PTPRG: variants seen among roughly 807,000 people sequenced by gnomAD.
PTPRG encodes receptor-type tyrosine-protein phosphatase gamma.
A neutral mutation model predicts 165.3 loss-of-function variants in PTPRG; 102 were observed. That is an observed-to-expected ratio of 0.62 (90% CI 0.53 to 0.73). The LOEUF is 0.73. Among genes scored for constraint, PTPRG ranks in the 30% least tolerant of loss-of-function variants. The pLI, the probability that PTPRG is intolerant of heterozygous loss-of-function variation, is 0.00. For missense variants in PTPRG, 1,866 were observed against 1,861.4 expected, an observed-to-expected ratio of 1.00 and a Z score of -0.05; for synonymous variants, 675 against 669.5, an observed-to-expected ratio of 1.01 and a Z score of -0.13.
At chr3:61,794,093 G>T (rs976256721) in intron 2 of PTPRG, among the ~76,000 whole-genome samples, 23 of 152,050 alleles carry the variant, frequency 1.5e-4, no homozygotes, top group African/African-American at 5.1e-4. Flanking sequence ...TTGCCCAACT[G>T]CCTTGACTTG....
intron 2 of PTPRG, among the ~76,000 whole-genome samples, chr3:61,871,836 A>T (rs762283893): frequency 2.6e-5 from 4 of 152,196 alleles, no homozygotes; most frequent in African/African-American, 9.6e-5. Flanking sequence ...GAAGGAGATC[A>T]GTTGCTCCCT....
Position 62,045,733 on chromosome 3 carries a change from T to C in PTPRG, c.520-32430T>C, listed in dbSNP as rs539337837. Among the ~76,000 whole-genome samples the C allele has an allele frequency of 9.2e-5, 14 of 152,354 alleles. No homozygotes were observed. The East Asian group carries it at 2.3e-3, about 25-fold the overall frequency. The stretch of plus-strand genomic sequence containing the variant: ...GGTCTTCTCTTAACAGGTCATGACC[T>C]GAACACAAGGTTCTGAGCATCCCCT... On this transcript the variant is annotated intron_variant, in intron 4 of 29. Transcript: ENST00000474889.
chr3:61,635,363 AATT>A (rs1218776760), intron 1 of PTPRG, among the ~76,000 whole-genome samples: 1 of 148,710 alleles, frequency 6.7e-6, no homozygotes, highest in Admixed American at 6.7e-5. Context: ...TATAAATAAT[AATT>A]ATTATTAGAG....
chr3:61,743,507 C>CTGTGTG (rs58642937), intron 1 of PTPRG, among the ~76,000 whole-genome samples: 3 of 150,928 alleles, frequency 2.0e-5, no homozygotes, highest in African/African-American at 7.3e-5. Flanking sequence ...CCATGGGTGT[C>CTGTGTG]TGTGTGTGTG....
At chr3:62,256,098 C>CTCTG (rs1212552888) in intron 16 of PTPRG, among the ~76,000 whole-genome samples, 1 of 152,150 alleles carries the variant, frequency 6.6e-6, no homozygotes, top group Non-Finnish European at 1.5e-5. Flanking sequence ...TGGTTCCTTT[C>CTCTG]TCTGTCTCAT....
At chr3:61,684,929 G>T (rs1703572097) in intron 1 of PTPRG, among the ~76,000 whole-genome samples, 1 of 152,094 alleles carries the variant, frequency 6.6e-6, no homozygotes, top group African/African-American at 2.4e-5. Context: ...TCCCTTCCCT[G>T]CCATTGACTG....
chr3:62,263,320 G>T (rs72878154), intron 17 of PTPRG: 10,235 of 169,578 alleles, frequency 0.06, 364 homozygotes, highest in Non-Finnish European at 0.076. Flanking sequence ...TACATAATTG[G>T]CTTGTACCTT....
chr3:61,754,475 G>C (rs947990943), intron 2 of PTPRG, among the ~76,000 whole-genome samples: 4 of 152,282 alleles, frequency 2.6e-5, no homozygotes, highest in African/African-American at 7.2e-5. Context: ...CCCCGGCTAA[G>C]TGTAGAATCC....
At chr3:62,250,077 A>T (rs1311286062) in intron 15 of PTPRG, among the ~76,000 whole-genome samples, 1 of 152,230 alleles carries the variant, frequency 6.6e-6, no homozygotes, top group Admixed American at 6.5e-5. Flanking sequence ...AGGCACTCTT[A>T]TAAGTACTTG....
In PTPRG at chr3:61,955,128, T is replaced by A. The variant is rs147825924; in HGVS notation, c.191-34497T>A. Among the ~76,000 whole-genome samples the A allele has an allele frequency of 1.6e-4, 25 of 152,284 alleles. No individual in the cohort carries two copies. The East Asian group carries it at 4.4e-3, about 27-fold the overall frequency. On this transcript the variant is annotated intron_variant, in intron 2 of 29. Coordinates refer to ENST00000474889, the MANE Select transcript of PTPRG (RefSeq NM_002841.4). ...AGGCTGAAAACATGATGGATAAGAA[T>A]TACTGACTGCTTTGGATCTGTATAC...
At chr3:62,029,852 A>G (rs1311274377) in intron 4 of PTPRG, among the ~76,000 whole-genome samples, 1 of 152,244 alleles carries the variant, frequency 6.6e-6, no homozygotes, top group African/African-American at 2.4e-5. Flanking sequence ...TGCAAGAGTA[A>G]TATTCCTAAA....
At chr3:61,949,567 A>G (rs2039846904) in intron 2 of PTPRG, among the ~76,000 whole-genome samples, 1 of 152,118 alleles carries the variant, frequency 6.6e-6, no homozygotes, top group African/African-American at 2.4e-5. Context: ...GGAAAACAGT[A>G]TTGTCCTAAT....
intron 8 of PTPRG, among the ~76,000 whole-genome samples, chr3:62,184,185 C>T (rs1705776163): frequency 6.6e-6 from 1 of 152,172 alleles, no homozygotes; most frequent in African/African-American, 2.4e-5. Flanking sequence ...GAGAGGAATG[C>T]ACAGAGCCGG....
intron 2 of PTPRG, among the ~76,000 whole-genome samples, chr3:61,803,890 T>C (rs1033465897): frequency 7.9e-5 from 12 of 152,204 alleles, no homozygotes; most frequent in African/African-American, 2.7e-4. Flanking sequence ...GACATAGTTG[T>C]CAGGTATGAA....
intron 1 of PTPRG, among the ~76,000 whole-genome samples, chr3:61,708,287 A>G (rs1316126707): frequency 1.3e-5 from 2 of 151,898 alleles, no homozygotes; most frequent in Non-Finnish European, 2.9e-5. Flanking sequence ...TGAAGAGGGC[A>G]TGATGTTTTA....
chr3:61,995,967 T>C (rs1395048165), intron 3 of PTPRG, among the ~76,000 whole-genome samples: 3 of 152,120 alleles, frequency 2.0e-5, no homozygotes, highest in Non-Finnish European at 4.4e-5. Context: ...CTGTGTCTTC[T>C]TGCATTTGCC....
At chr3:62,279,788 A>T (rs1228265017) in intron 26 of PTPRG, among the ~76,000 whole-genome samples, 1 of 152,108 alleles carries the variant, frequency 6.6e-6, no homozygotes, top group Non-Finnish European at 1.5e-5. Flanking sequence ...CTCATTTCTA[A>T]TGCAACAATG....
chr3:61,884,151 T>G (rs1418734882), intron 2 of PTPRG, among the ~76,000 whole-genome samples: 1 of 152,204 alleles, frequency 6.6e-6, no homozygotes, highest in Non-Finnish European at 1.5e-5. Context: ...AGTTTTACAT[T>G]TTTTCTCCTG....
rs145950462 is a variant in PTPRG, at chr3:61,764,066, T to C, written c.190+15084T>C. Among the ~76,000 whole-genome samples the C allele has an allele frequency of 2.0e-5, 3 of 152,230 alleles. No individual in the cohort carries two copies. In the East Asian group the frequency reaches 5.8e-4, roughly 30 times the overall value. On this transcript the variant is annotated intron_variant, in intron 2 of 29. Transcript: ENST00000474889. ...CAGTGGTGTTCAGAGGATATAGGCA[T>C]TATAGAGGAACCAGCAGGTAACATA...
Sources: gnomAD v4.1 joint callset for allele counts (sites outside exome capture counted in the v4.1 genomes callset) on GRCh38, gnomAD v4.1.1 for gene constraint, MANE v1.5 for transcripts, NCBI Gene and HGNC (gene_info 2026-07-23, HGNC 2026-07-21) for gene names.